DYNC2H1: variants seen among roughly 807,000 people sequenced by gnomAD.
DYNC2H1 encodes the protein cytoplasmic dynein 2 heavy chain 1.
A neutral mutation model predicts 570.0 loss-of-function variants in DYNC2H1; 410 were observed. That is an observed-to-expected ratio of 0.72 (90% CI 0.66 to 0.78). DYNC2H1 has a LOEUF of 0.78. DYNC2H1 is among the 30% of genes least tolerant of loss of function. The pLI, the probability that DYNC2H1 is intolerant of heterozygous loss-of-function variation, is 0.00. For missense variants in DYNC2H1, 4,865 were observed against 5,046.4 expected (o/e 0.96, Z 1.09); for synonymous variants, 1,688 against 1,677.6 (o/e 1.01, Z -0.15).
chr11:103,219,185 G>A (rs1471127999), intron 55 of DYNC2H1, among the ~76,000 whole-genome samples: 1 of 151,952 alleles, frequency 6.6e-6, no homozygotes. Context: ...CTTGAGTCTG[G>A]GAGCCTAATT....
chr11:103,222,373 GT>G, intron 58 of DYNC2H1, among the ~76,000 whole-genome samples: 1 of 152,024 alleles, frequency 6.6e-6, no homozygotes. Context: ...GGTTTTAATA[GT>G]TTTGTATCTG....
At chr11:103,233,828 TTATGTGTGTGTG>T (rs1864109217) in intron 60 of DYNC2H1, among the ~76,000 whole-genome samples, 194 bp from the exon 61 acceptor site, 1 of 50,122 alleles carries the variant, frequency 2.0e-5, no homozygotes, top group African/African-American at 8.9e-5. Flanking sequence ...ATGCTACACT[TTATGTGTGTGTG>T]TGTGTGTGTG....
rs199572490 is a variant in DYNC2H1, at chr11:103,287,578, A to G, written c.11068A>G (p.Met3690Val). The G allele has an allele frequency of 3.1e-6, 5 of 1,612,072 alleles. No homozygotes were observed. The highest frequency in any genetic ancestry group is 3.3e-5 in the Admixed American group (2 of 59,912). The change falls in exon 75 of 89, where the codon ATG becomes GTG. Residue 3690 changes from methionine (M) to valine (V), a missense_variant. Around this residue, in one of 5 missense-constraint regions of DYNC2H1, gnomAD observed 2,401 missense variants for 2,454.6 expected, o/e 0.98. Coordinates refer to ENST00000375735, the MANE Select transcript of DYNC2H1 (RefSeq NM_001377.3). ...AAGACCGGACAGATTGCAAAGTGCC[A>G]TGGCTCTTTTTGCATGTAAAACTCT... is the stretch of plus-strand genomic sequence containing the variant. ...ALRPDRLQSA[M>V]ALFACKTLGL...
chr11:103,470,580 A>G (rs1160630007), intron 88 of DYNC2H1, among the ~76,000 whole-genome samples: 3 of 152,064 alleles, frequency 2.0e-5, no homozygotes, highest in African/African-American at 7.2e-5. Flanking sequence ...ACCACCCCAC[A>G]ACAGTCCCTA....
At chr11:103,397,713 G>A (rs1447307740) in intron 83 of DYNC2H1, among the ~76,000 whole-genome samples, 3 of 152,028 alleles carry the variant, frequency 2.0e-5, no homozygotes, top group Admixed American at 2.0e-4. Context: ...TGGGCAACAT[G>A]GCAAATACCT....
chr11:103,438,327 TTC>T (rs1944135042), intron 85 of DYNC2H1, among the ~76,000 whole-genome samples: 1 of 152,164 alleles, frequency 6.6e-6, no homozygotes, highest in Admixed American at 6.6e-5. Context: ...CATCTGTGCC[TTC>T]TCTGTTTCAC....
At chr11:103,255,310 A>G in intron 66 of DYNC2H1, 105 bp from the exon 67 acceptor site, 1 of 1,227,082 alleles carries the variant, frequency 8.1e-7, no homozygotes, top group Non-Finnish European at 1.1e-6. Context: ...ATAACATAGT[A>G]TCATATTTGT....
rs368908954 is a variant in DYNC2H1, at chr11:103,135,886, A to G, written c.2512A>G (p.Thr838Ala). 67 of 1,612,892 alleles carry G rather than the reference A, an allele frequency of 4.2e-5. No individual in the cohort carries two copies. The highest frequency in any genetic ancestry group is 5.3e-5 in the Non-Finnish European group (62 of 1,179,462). ...TGATAGAAATGCAAGTGGATTTTTG[A>G]CGATTTTCAGCAAAGCAGAAGATCT... ...MIDRNASGFL[T>A]IFSKAEDLFR... The change falls in exon 17 of 89, where the codon ACG becomes GCG. Residue 838 changes from threonine (T) to alanine (A), a missense_variant. Thr to Ala is a moderately conservative substitution (Grantham distance 58). Around this residue, in one of 5 missense-constraint regions of DYNC2H1, gnomAD observed 1,936 missense variants for 1,962.1 expected, o/e 0.99. Transcript: ENST00000375735.
chr11:103,144,781 T>C (rs1280568468), intron 18 of DYNC2H1, among the ~76,000 whole-genome samples: 1 of 152,006 alleles, frequency 6.6e-6, no homozygotes, highest in Non-Finnish European at 1.5e-5. Context: ...CGTTAGGAAA[T>C]TTAATCTGGA....
rs1300336656 is a variant in DYNC2H1 at position 103,201,759 on chromosome 11, CT to C, written c.8197+1613del. Reference sequence around the variant, plus strand: ...CACTTGCGAATTCCTATATTTCTTCCTTTTTTTTGAAGAATTTATGAAGTTT... The same window carrying C: ...CACTTGCGAATTCCTATATTTCTTCCTTTTTTTGAAGAATTTATGAAGTTT... On this transcript the variant is annotated intron_variant, in intron 50 of 88. Coordinates refer to ENST00000375735, the MANE Select transcript of DYNC2H1 (RefSeq NM_001377.3). This position sits in a 1 kb window ranked among gnomAD's most constrained non-coding sequence, Gnocchi z 4.8. Among the ~76,000 whole-genome samples, 5 of 151,794 alleles carry C rather than the reference CT, an allele frequency of 3.3e-5. No homozygotes were observed. Among genetic ancestry groups the C allele is most frequent in the Non-Finnish European group, 7.4e-5 (5 of 67,920 alleles).
intron 17 of DYNC2H1, among the ~76,000 whole-genome samples, chr11:103,137,025 T>G (rs1396564308): frequency 1.3e-5 from 2 of 150,740 alleles, no homozygotes; most frequent in East Asian, 3.9e-4. Context: ...AAATGTCTTC[T>G]TTTGAGAAGT....
Position 103,466,002 on chromosome 11 carries a change from C to T in DYNC2H1, c.12649-2587C>T, listed in dbSNP as rs560875918. ...TATTAGGAGGAGAGGAATGTTTGAC[C>T]ATATTTTTCACTGTGTCACACTATT... On this transcript the variant is annotated intron_variant, in intron 87 of 88. Coordinates refer to ENST00000375735, the MANE Select transcript of DYNC2H1 (RefSeq NM_001377.3). 4.5e-4 allele frequency among the ~76,000 whole-genome samples: 68 copies of T among 152,232 alleles called. 2 individuals carry two copies. In the South Asian group the frequency reaches 0.014, roughly 31 times the overall value.
chr11:103,117,800 T>A lies in DYNC2H1; in HGVS notation c.936T>A (p.His312Gln). The A allele has an allele frequency of 6.2e-7, 1 of 1,613,104 alleles. No individual in the cohort carries two copies. Among genetic ancestry groups the A allele is most frequent in the Non-Finnish European group, 8.5e-7 (1 of 1,179,262 alleles). The change falls in exon 6 of 89, where the codon CAT becomes CAA. Residue 312 changes from histidine to glutamine, a missense_variant. By Grantham distance (24) the His-to-Gln change is conservative (BLOSUM62 0). Around this residue, in one of 5 missense-constraint regions of DYNC2H1, gnomAD observed 1,936 missense variants for 1,962.1 expected, o/e 0.99. Coordinates refer to ENST00000375735, the MANE Select transcript of DYNC2H1 (RefSeq NM_001377.3). ...AGGTGTGGCAGCGCTATGTTCCTCA[T>A]CCATGGAAAAATGAAAAATATTTTC... ...TGQVWQRYVP[H>Q]PWKNEKYFPE...
intron 47 of DYNC2H1, among the ~76,000 whole-genome samples, chr11:103,193,609 T>A (rs1188965283): frequency 6.6e-6 from 1 of 152,026 alleles, no homozygotes; most frequent in Non-Finnish European, 1.5e-5. Context: ...AAAGGTGCAA[T>A]CTCGGCCCAC....
At chr11:103,248,112 T>C (rs542614477) in intron 65 of DYNC2H1, among the ~76,000 whole-genome samples, 49 of 152,142 alleles carry the variant, frequency 3.2e-4, no homozygotes, top group African/African-American at 1.1e-3. Context: ...TTGTATTTAG[T>C]GGCTGTAACG....
intron 85 of DYNC2H1, among the ~76,000 whole-genome samples, chr11:103,442,313 A>T (rs1379507150): frequency 6.6e-6 from 1 of 152,114 alleles, no homozygotes; most frequent in Non-Finnish European, 1.5e-5. Context: ...TAAATATGTT[A>T]ATATTAGAAT....
At chr11:103,346,548 T>G (rs2135498708) in intron 82 of DYNC2H1, among the ~76,000 whole-genome samples, 1 of 152,294 alleles carries the variant, frequency 6.6e-6, no homozygotes, top group Non-Finnish European at 1.5e-5. Flanking sequence ...ATATCACCAG[T>G]CTGTTTCATT....
chr11:103,449,058 A>G (rs1158952125), intron 85 of DYNC2H1, among the ~76,000 whole-genome samples: 2 of 152,192 alleles, frequency 1.3e-5, no homozygotes, highest in Non-Finnish European at 2.9e-5. Flanking sequence ...GTGAACAGAG[A>G]CCTAAAGGAG....
intron 83 of DYNC2H1, among the ~76,000 whole-genome samples, chr11:103,386,504 T>A (rs944995961): frequency 4.9e-4 from 74 of 152,006 alleles, no homozygotes; most frequent in African/African-American, 1.6e-3. Flanking sequence ...CTTTCTTTTT[T>A]TTATTATTAT....
Sources: gnomAD v4.1 joint callset for allele counts (sites outside exome capture counted in the v4.1 genomes callset) on GRCh38, gnomAD v4.1.1 for gene constraint, gnomAD v4.1.1 regional missense constraint, Gnocchi (gnomAD v3.1) non-coding constraint, MANE v1.5 for transcripts, NCBI Gene and HGNC (gene_info 2026-07-23, HGNC 2026-07-21) for gene names.